Variants in NUCB2 observed in about 807,000 individuals in gnomAD.
The protein encoded by NUCB2 is nucleobindin-2.
NUCB2 carries 48 observed loss-of-function variants against 57.9 expected under a neutral mutation model. The observed-to-expected ratio is 0.83, with a 90% CI of 0.66 to 1.05. The LOEUF is 1.05. Among genes scored for constraint, NUCB2 ranks in the 50% least tolerant of loss-of-function variants. The probability of loss-of-function intolerance (pLI) is 0.00; values close to 1 mark genes in which losing one functional copy is unlikely to be tolerated. For synonymous variants in NUCB2, 139 were observed against 152.1 expected, an observed-to-expected ratio of 0.91 and a Z score of 0.64; for missense variants, 442 against 476.2, an observed-to-expected ratio of 0.93 and a Z score of 0.67.
At chr11:17,311,111 C>G in intron 7 of NUCB2, 82 bp from the exon 8 acceptor site, 1 of 1,413,764 alleles carries the variant, frequency 7.1e-7, no homozygotes, top group South Asian at 1.3e-5. Flanking sequence ...GATTCTTCTG[C>G]CAAGTTCCTC....
Position 17,339,176 on chromosome 11 carries a change from C to CG in NUCB2, n.2626+1646dup, listed in dbSNP as rs1427596679. Among the ~76,000 whole-genome samples the CG allele has an allele frequency of 2.3e-4, 34 of 149,766 alleles. No homozygotes were observed. The East Asian group carries it at 6.6e-3, about 29-fold the overall frequency. On this transcript the variant is annotated intron_variant and non_coding_transcript_variant, in intron 2 of 2. Coordinates refer to the NUCB2 transcript ENST00000532240. ...CTAATTTTTGTTTTTTCAGTAGAGA[C>CG]GGGGTTTTGCCATGTTGGTCATGCT...
chr11:17,341,952 T>G (rs565438549), intron 2 of NUCB2, among the ~76,000 whole-genome samples: 11 of 152,152 alleles, frequency 7.2e-5, no homozygotes, highest in Non-Finnish European at 1.3e-4. Flanking sequence ...GTCCTGGACT[T>G]TTTTTGGTTG....
chr11:17,289,335 T>C (rs1202076098), intron 2 of NUCB2, among the ~76,000 whole-genome samples: 2 of 152,174 alleles, frequency 1.3e-5, no homozygotes, highest in Non-Finnish European at 2.9e-5. Context: ...TTGGTGCTGG[T>C]GCTTTCTTCA....
intron 4 of NUCB2, among the ~76,000 whole-genome samples, chr11:17,297,599 G>A (rs569104314): frequency 5.9e-5 from 9 of 152,224 alleles, no homozygotes; most frequent in Admixed American, 2.0e-4. Context: ...GAGTAAGAAC[G>A]TTATTTGGGG....
intron 2 of NUCB2, among the ~76,000 whole-genome samples, chr11:17,288,047 G>A (rs970438372): frequency 6.6e-6 from 1 of 152,014 alleles, no homozygotes; most frequent in Non-Finnish European, 1.5e-5. Flanking sequence ...TCCTCTCCCC[G>A]GTAGAGAGAA....
Position 17,330,401 on chromosome 11 carries a change from A to G in NUCB2, c.1173+104A>G, listed in dbSNP as rs1370291248. On this transcript the variant is annotated intron_variant, in intron 12 of 13. Coordinates refer to ENST00000529010, the MANE Select transcript of NUCB2 (RefSeq NM_005013.4). The surrounding 1 kb of genome is among the most constrained non-coding windows in gnomAD (Gnocchi z 4.3). ...TCATTGTACTATATAGTACACTGCT[A>G]TAGCTATACTATAGTATTTTAAATT... is the stretch of plus-strand genomic sequence containing the variant. 1.5e-6 allele frequency: 1 copy of G among 645,628 alleles called. No individual in the cohort carries two copies. The highest frequency in any genetic ancestry group is 2.5e-6 in the Non-Finnish European group (1 of 394,594). The allele number at this position is 645,628 out of a possible 1,614,324, so 40.0% of individuals were successfully genotyped here.
At chr11:17,334,707 G>A (rs922474340), downstream of NUCB2, among the ~76,000 whole-genome samples, 1 of 152,136 alleles carries the variant, frequency 6.6e-6, no homozygotes, top group African/African-American at 2.4e-5. Flanking sequence ...CCAACATGGT[G>A]AAACCCCATC....
chr11:17,346,523 A>G (rs182272163), intron 2 of NUCB2, among the ~76,000 whole-genome samples: 142 of 152,334 alleles, frequency 9.3e-4, no homozygotes, highest in African/African-American at 3.0e-3. Flanking sequence ...TCAGTGTTGT[A>G]TGATAAATAA....
At chr11:17,347,826 T>C (rs1952864585) in intron 2 of NUCB2, among the ~76,000 whole-genome samples, 1 of 152,210 alleles carries the variant, frequency 6.6e-6, no homozygotes, top group Non-Finnish European at 1.5e-5. Context: ...GCTCTCAATC[T>C]GCATTTGTCT....
chr11:17,327,574 A>T (rs1196709649), intron 11 of NUCB2, among the ~76,000 whole-genome samples: 2 of 152,018 alleles, frequency 1.3e-5, no homozygotes, highest in Non-Finnish European at 2.9e-5. Flanking sequence ...TGCCGTTTTG[A>T]GGCTGTTTTC....
intron 5 of NUCB2, among the ~76,000 whole-genome samples, chr11:17,309,243 C>T (rs1024452017): frequency 1.4e-4 from 22 of 152,024 alleles, no homozygotes; most frequent in African/African-American, 5.1e-4. Context: ...ATTGCTTGAG[C>T]CCAGGAGGTC....
At chr11:17,316,063 CCCAGATT>C (rs1357747436) in intron 11 of NUCB2, among the ~76,000 whole-genome samples, 4 of 152,096 alleles carry the variant, frequency 2.6e-5, no homozygotes, top group African/African-American at 9.7e-5. Context: ...ACCTCCGCCT[CCCAGATT>C]CAAGCAATTC....
intron 6 of NUCB2, 101 bp from the exon 7 acceptor site, chr11:17,310,724 G>C: frequency 1.2e-6 from 1 of 866,188 alleles, no homozygotes; most frequent in South Asian, 1.7e-5. Flanking sequence ...TTGCCCTCCC[G>C]TACCACTTCT....
chr11:17,342,367 T>A (rs1196059144), intron 2 of NUCB2, among the ~76,000 whole-genome samples: 1 of 152,210 alleles, frequency 6.6e-6, no homozygotes, highest in Non-Finnish European at 1.5e-5. Flanking sequence ...TTTGAATGTG[T>A]TTGCTCTTGC....
intron 2 of NUCB2, among the ~76,000 whole-genome samples, chr11:17,340,485 C>G (rs2139608129): frequency 6.6e-6 from 1 of 152,124 alleles, no homozygotes; most frequent in Admixed American, 6.5e-5. Flanking sequence ...GGTTTTAGGT[C>G]TAACATTTAA....
rs961815902 is a variant in NUCB2, at chr11:17,343,798, T to A, written n.2627-5547T>A. 1.8e-4 allele frequency among the ~76,000 whole-genome samples: 28 copies of A among 152,230 alleles called. 1 individual carries two copies. In the South Asian group the frequency reaches 3.1e-3, roughly 17 times the overall value. On this transcript the variant is annotated intron_variant and non_coding_transcript_variant, in intron 2 of 2. Coordinates refer to the NUCB2 transcript ENST00000532240. The stretch of plus-strand genomic sequence containing the variant: ...ATCAACTTTGTGTAGTGATTCTTTC[T>A]TGTTCTATGACACTTAGTAATATAT...
At chr11:17,281,139 TA>T (rs956561550) in intron 1 of NUCB2, among the ~76,000 whole-genome samples, 25 of 152,286 alleles carry the variant, frequency 1.6e-4, no homozygotes, top group African/African-American at 6.0e-4. Flanking sequence ...TTATTTTATT[TA>T]TTTTTTTTAG....
At chr11:17,326,832 C>T (rs1950750375) in intron 11 of NUCB2, among the ~76,000 whole-genome samples, 1 of 152,106 alleles carries the variant, frequency 6.6e-6, no homozygotes, top group African/African-American at 2.4e-5. Flanking sequence ...TCTTTGTTCT[C>T]ATTAACATCC....
At chr11:17,286,364 A>G (rs1943752080) in intron 2 of NUCB2, among the ~76,000 whole-genome samples, 2 of 152,336 alleles carry the variant, frequency 1.3e-5, no homozygotes, top group South Asian at 4.1e-4. Context: ...TGGTTGAGAC[A>G]GGGGAAGAGA....
Sources: gnomAD v4.1 joint callset for allele counts (sites outside exome capture counted in the v4.1 genomes callset) on GRCh38, gnomAD v4.1.1 for gene constraint, Gnocchi (gnomAD v3.1) non-coding constraint, MANE v1.5 for transcripts, NCBI Gene and HGNC (gene_info 2026-07-23, HGNC 2026-07-21) for gene names.